Variants in EMCN observed in about 807,000 individuals in gnomAD.
The protein encoded by EMCN is MUC-14.
Under a neutral mutation model 38.4 loss-of-function variants are expected in EMCN, and 37 were observed. The ratio of observed to expected loss-of-function variants is 0.96; its 90% confidence interval spans 0.74 to 1.27. The LOEUF (loss-of-function observed/expected upper bound fraction) is 1.27, where lower values mean the gene tolerates loss of function less well. Among genes scored for constraint, EMCN ranks in the 50% most tolerant of loss-of-function variants. The probability of loss-of-function intolerance (pLI) is 0.00; values close to 1 mark genes in which losing one functional copy is unlikely to be tolerated. For synonymous variants in EMCN, 95 were observed against 100.8 expected, an observed-to-expected ratio of 0.94 and a Z score of 0.35; for missense variants, 318 against 302.8, an observed-to-expected ratio of 1.05 and a Z score of -0.37.
At chr4:100,428,158 T>A (rs1036405574) in intron 5 of EMCN, among the ~76,000 whole-genome samples, 3 of 152,078 alleles carry the variant, frequency 2.0e-5, no homozygotes, top group Non-Finnish European at 4.4e-5. Context: ...AAAGCCGAAG[T>A]CCATGCAATA....
At chr4:100,457,341 G>T (rs535239800) in intron 4 of EMCN, among the ~76,000 whole-genome samples, 3 of 151,916 alleles carry the variant, frequency 2.0e-5, no homozygotes, top group Admixed American at 2.0e-4. Flanking sequence ...AGAACTTTCA[G>T]TATTATATTC....
intron 2 of EMCN, among the ~76,000 whole-genome samples, chr4:100,479,121 G>T (rs912869509): frequency 6.6e-6 from 1 of 152,086 alleles, no homozygotes; most frequent in African/African-American, 2.4e-5. Flanking sequence ...CCTAGTCTTA[G>T]ACTGAAAATT....
At chr4:100,513,817 T>C (rs1257164058) in intron 1 of EMCN, among the ~76,000 whole-genome samples, 4 of 152,182 alleles carry the variant, frequency 2.6e-5, no homozygotes, top group African/African-American at 9.6e-5. Flanking sequence ...AAGGCAACTA[T>C]TTCATTCAAT....
intron 1 of EMCN, among the ~76,000 whole-genome samples, chr4:100,500,567 C>A (rs1578234863): frequency 6.6e-6 from 1 of 151,992 alleles, no homozygotes; most frequent in East Asian, 1.9e-4. Context: ...TCATTCTTAG[C>A]CTTTCTTTAT....
At position 100,450,074 on chromosome 4, in the gene EMCN, A is replaced by G. The variant is rs150304233; in HGVS notation, c.377-2503T>C. ...GAATTAATGAGTGAAGATATTTTCA[A>G]TTATTCCTGTTTATTATTTATGACT... On this transcript the variant is annotated intron_variant, in intron 4 of 11. Coordinates refer to ENST00000296420, the MANE Select transcript of EMCN (RefSeq NM_016242.4). Among the ~76,000 whole-genome samples the G allele has an allele frequency of 5.4e-3, 826 of 152,158 alleles. 5 individuals carry two copies. The highest frequency in any genetic ancestry group is 0.024 in the Middle Eastern group (7 of 294).
intron 1 of EMCN, among the ~76,000 whole-genome samples, chr4:100,496,864 A>G (rs1305467854): frequency 1.3e-5 from 2 of 152,204 alleles, no homozygotes; most frequent in Non-Finnish European, 1.5e-5. Flanking sequence ...CAAACTGGAA[A>G]TATTGCTCTA....
chr4:100,507,585 A>C (rs1729517257), intron 1 of EMCN, among the ~76,000 whole-genome samples: 1 of 152,108 alleles, frequency 6.6e-6, no homozygotes, highest in South Asian at 2.1e-4. Context: ...CTGGCCTTGT[A>C]AGAGTGGCTA....
At chr4:100,455,668 G>T (rs932970100) in intron 4 of EMCN, among the ~76,000 whole-genome samples, 1 of 151,182 alleles carries the variant, frequency 6.6e-6, no homozygotes, top group Admixed American at 6.6e-5. Flanking sequence ...CTTTATCTCC[G>T]GTTTTCCATG....
chr4:100,476,162 TCTCCCTCC>T (rs142508833), intron 2 of EMCN, among the ~76,000 whole-genome samples: 14 of 147,638 alleles, frequency 9.5e-5, no homozygotes, highest in East Asian at 2.0e-4. Flanking sequence ...TAATGGTCTT[TCTCCCTCC>T]CTCCCTCCCT....
intron 4 of EMCN, 26 bp from the exon 5 acceptor site, chr4:100,447,597 A>G (rs1407087304): frequency 6.8e-7 from 1 of 1,474,228 alleles, no homozygotes; most frequent in Non-Finnish European, 9.4e-7. Context: ...AAGAAAAAAA[A>G]TCAGTACAAT....
chr4:100,508,519 T>A (rs1189157329), intron 1 of EMCN, among the ~76,000 whole-genome samples: 1 of 152,170 alleles, frequency 6.6e-6, no homozygotes, highest in Admixed American at 6.5e-5. Flanking sequence ...TATTTACTGA[T>A]CTAGGAACAA....
At chr4:100,477,791 A>G (rs944037752) in intron 2 of EMCN, among the ~76,000 whole-genome samples, 13 of 137,992 alleles carry the variant, frequency 9.4e-5, no homozygotes, top group Non-Finnish European at 2.0e-4. Flanking sequence ...CACTACAGAT[A>G]CCTTTTTTTT....
intron 11 of EMCN, among the ~76,000 whole-genome samples, chr4:100,405,106 G>A (rs1184292175): frequency 6.6e-6 from 1 of 152,078 alleles, no homozygotes; most frequent in Non-Finnish European, 1.5e-5. Flanking sequence ...AGAGCTAGGA[G>A]CCTTTGGGAA....
At chr4:100,505,204 C>T (rs1182224715) in intron 1 of EMCN, among the ~76,000 whole-genome samples, 3 of 152,132 alleles carry the variant, frequency 2.0e-5, no homozygotes, top group East Asian at 3.9e-4. Flanking sequence ...TTCGGGGCCA[C>T]TACTGGTCTC....
chr4:100,455,431 TC>T (rs1411159324), intron 4 of EMCN, among the ~76,000 whole-genome samples: 1 of 152,042 alleles, frequency 6.6e-6, no homozygotes, highest in African/African-American at 2.4e-5. Flanking sequence ...ATTTTTCTGT[TC>T]CTGAATGTCT....
At chr4:100,494,563 T>C (rs2110295036) in intron 1 of EMCN, among the ~76,000 whole-genome samples, 1 of 152,246 alleles carries the variant, frequency 6.6e-6, no homozygotes, top group Admixed American at 6.5e-5. Context: ...TTGTATAACA[T>C]TGGCCAACTT....
Position 100,410,819 on chromosome 4 carries a change from CTT to C in EMCN, c.752-466_752-465del, listed in dbSNP as rs202047126. Among the ~76,000 whole-genome samples, 557 of 152,200 alleles carry C rather than the reference CTT, an allele frequency of 3.7e-3. 7 individuals are homozygous for C. Among genetic ancestry groups the C allele is most frequent in the African/African-American group, 0.013 (526 of 41,540 alleles). ...ATGAATTTATAGGCCAATATGAACA[CTT>C]GGGTGATATACAGAGCAGCGCAGGT... On this transcript the variant is annotated intron_variant, in intron 10 of 11. Coordinates refer to ENST00000296420, the MANE Select transcript of EMCN (RefSeq NM_016242.4).
intron 2 of EMCN, among the ~76,000 whole-genome samples, chr4:100,476,058 C>A (rs1348881912): frequency 1.3e-5 from 2 of 152,046 alleles, no homozygotes; most frequent in Non-Finnish European, 2.9e-5. Context: ...ACTAAGGAAG[C>A]ACTCATATAA....
rs370795964 is a variant in EMCN at position 100,423,421 on chromosome 4, A to C, written c.416-17T>G. 1.9e-6 allele frequency: 3 copies of C among 1,564,844 alleles called. No homozygotes were observed. The highest frequency in any genetic ancestry group is 2.6e-6 in the Non-Finnish European group (3 of 1,135,586). On this transcript the variant is annotated splice_polypyrimidine_tract_variant and intron_variant, in intron 5 of 11. Coordinates refer to ENST00000296420, the MANE Select transcript of EMCN (RefSeq NM_016242.4). ...GAACACTACCTGTATGAAAATTACAAATGCAGAATCAGGCTATGGTATTAA... is the reference window on the plus strand; with the variant it reads ...GAACACTACCTGTATGAAAATTACACATGCAGAATCAGGCTATGGTATTAA...
Sources: allele counts gnomAD v4.1 joint callset (sites outside exome capture counted in the v4.1 genomes callset), GRCh38; gene constraint gnomAD v4.1.1; transcripts MANE v1.5; gene names NCBI Gene and HGNC (gene_info 2026-07-23, HGNC 2026-07-21).